The following AGMO variants were observed in gnomAD, a reference collection of about 807,000 sequenced individuals.
The protein encoded by AGMO is alkylglycerol monooxygenase, also known as glyceryl-ether monooxygenase.
A neutral mutation model predicts 60.2 loss-of-function variants in AGMO; 75 were observed. The observed-to-expected ratio is 1.25, with a 90% CI of 1.03 to 1.51. The LOEUF is 1.51. AGMO is among the 40% of genes most tolerant of loss of function. The pLI is 0.00. For missense variants in AGMO, 763 were observed against 525.5 expected, an observed-to-expected ratio of 1.45 and a Z score of -4.42; for synonymous variants, 261 against 177.1, an observed-to-expected ratio of 1.47 and a Z score of -3.76.
At chr7:15,541,365 C>T (rs1267861801) in intron 3 of AGMO, among the ~76,000 whole-genome samples, 1 of 152,176 alleles carries the variant, frequency 6.6e-6, no homozygotes, top group Non-Finnish European at 1.5e-5. Flanking sequence ...CATGATCCGC[C>T]AGCCTCAGCC....
chr7:15,167,470 CA>C, the AGMO span, among the ~76,000 whole-genome samples: 2 of 152,084 alleles, frequency 1.3e-5, no homozygotes, highest in Non-Finnish European at 2.9e-5. Context: ...TAGACTGCAA[CA>C]AAAAACCAGG....
the AGMO span, among the ~76,000 whole-genome samples, chr7:15,175,176 G>A: frequency 6.6e-6 from 1 of 151,678 alleles, no homozygotes. Context: ...ATTTAAATTT[G>A]GGTTTTAAAT....
At chr7:15,286,159 G>T (rs1197929515) in intron 12 of AGMO, among the ~76,000 whole-genome samples, 1 of 151,916 alleles carries the variant, frequency 6.6e-6, no homozygotes, top group Non-Finnish European at 1.5e-5. Context: ...TTTGGACATT[G>T]GTCTAGGAAA....
Position 15,275,161 on chromosome 7 carries a change from A to G in AGMO, c.1264-73802T>C, listed in dbSNP as rs115986711. On this transcript the variant is annotated intron_variant, in intron 12 of 12. Coordinates refer to ENST00000342526, the MANE Select transcript of AGMO (RefSeq NM_001004320.2). ...TAGGGTATTAATTTAAGATACTTCT[A>G]TCTTTTTAAGGTAGGCATTTAACAC... Among the ~76,000 whole-genome samples the G allele has an allele frequency of 7.9e-3, 1,198 of 152,224 alleles. 11 individuals carry two copies. The highest frequency in any genetic ancestry group is 0.027 in the African/African-American group (1,142 of 41,546).
chr7:15,254,195 G>GT (rs1783028791), intron 12 of AGMO, among the ~76,000 whole-genome samples: 1 of 151,886 alleles, frequency 6.6e-6, no homozygotes, highest in African/African-American at 2.4e-5. Flanking sequence ...TACAATTTTC[G>GT]TGAGAGTGCA....
chr7:15,228,094 A>G (rs1289756203), intron 12 of AGMO, among the ~76,000 whole-genome samples: 1 of 152,056 alleles, frequency 6.6e-6, no homozygotes, highest in Non-Finnish European at 1.5e-5. Flanking sequence ...ATTTCTTTAA[A>G]GTTTTTCTTT....
At chr7:15,386,566 C>G (rs1425154135) in intron 9 of AGMO, among the ~76,000 whole-genome samples, 1 of 152,128 alleles carries the variant, frequency 6.6e-6, no homozygotes, top group African/African-American at 2.4e-5. Flanking sequence ...AAACTTATTC[C>G]TAGCGGCGTT....
At position 15,274,774 on chromosome 7, in the gene AGMO, T is replaced by C. The variant is rs148307847; in HGVS notation, c.1264-73415A>G. 2.6e-4 allele frequency among the ~76,000 whole-genome samples: 40 copies of C among 152,062 alleles called. No homozygotes were observed. In the East Asian group the frequency reaches 6.0e-3, roughly 23 times the overall value. ...TTGGCATATTGAGAATTTCTAATGT[T>C]TCCTGGTTCAATCATGGGGTTCCAG... On this transcript the variant is annotated intron_variant, in intron 12 of 12. Coordinates refer to ENST00000342526, the MANE Select transcript of AGMO (RefSeq NM_001004320.2).
chr7:15,292,432 T>A (rs1377488243), intron 12 of AGMO, among the ~76,000 whole-genome samples: 2 of 152,142 alleles, frequency 1.3e-5, no homozygotes, highest in Admixed American at 1.3e-4. Flanking sequence ...AAGGAAAACG[T>A]AAGATTGGTT....
chr7:15,368,449 A>G (rs1215912102), intron 10 of AGMO, among the ~76,000 whole-genome samples: 5 of 152,152 alleles, frequency 3.3e-5, no homozygotes, highest in African/African-American at 9.7e-5. Context: ...CTGTAGTATG[A>G]TTGCAAATGC....
At chr7:15,246,261 T>A (rs1453961421) in intron 12 of AGMO, among the ~76,000 whole-genome samples, 1 of 152,312 alleles carries the variant, frequency 6.6e-6, no homozygotes, top group East Asian at 1.9e-4. Flanking sequence ...CCAAACTGAA[T>A]AGGCTGTATT....
chr7:15,484,038 T>C (rs1782842838), intron 3 of AGMO, among the ~76,000 whole-genome samples: 1 of 152,146 alleles, frequency 6.6e-6, no homozygotes. Flanking sequence ...TTGGTGAGTA[T>C]AATCCCTGCA....
chr7:15,160,670 T>A, the AGMO span, among the ~76,000 whole-genome samples: 2 of 152,162 alleles, frequency 1.3e-5, no homozygotes, highest in Non-Finnish European at 2.9e-5. Context: ...TTTATAATTA[T>A]CCAGTATGGT....
the AGMO span, among the ~76,000 whole-genome samples, chr7:15,143,666 T>TTTTTG: frequency 1.3e-5 from 2 of 151,508 alleles, no homozygotes; most frequent in South Asian, 2.1e-4. Flanking sequence ...GGCACTGAAG[T>TTTTTG]TTTTGTTTTG....
intron 8 of AGMO, among the ~76,000 whole-genome samples, chr7:15,389,292 A>G (rs1367302717): frequency 1.6e-5 from 2 of 122,608 alleles, no homozygotes; most frequent in African/African-American, 6.7e-5. Context: ...CCCCTAGAGG[A>G]TAGAGATGAA....
intron 12 of AGMO, among the ~76,000 whole-genome samples, chr7:15,261,315 G>T (rs1220933184): frequency 6.6e-6 from 1 of 151,972 alleles, no homozygotes; most frequent in African/African-American, 2.4e-5. Context: ...AATGAAATGG[G>T]AGATACTACA....
chr7:15,551,548 T>C (rs1350715549), intron 2 of AGMO, among the ~76,000 whole-genome samples: 1 of 150,822 alleles, frequency 6.6e-6, no homozygotes, highest in Non-Finnish European at 1.5e-5. Flanking sequence ...AGCCAAATCA[T>C]GAGTGAACTC....
At chr7:15,180,250 A>AAGTACAAT in the AGMO span, among the ~76,000 whole-genome samples, 1 of 152,054 alleles carries the variant, frequency 6.6e-6, no homozygotes, top group Non-Finnish European at 1.5e-5. Flanking sequence ...TTTTAATTAG[A>AAGTACAAT]AGTACAATCT....
chr7:15,248,224 A>ATATATATATATC (rs1486326352), intron 12 of AGMO, among the ~76,000 whole-genome samples: 33 of 98,704 alleles, frequency 3.3e-4, no homozygotes, highest in African/African-American at 1.2e-3. Flanking sequence ...ATATATATAT[A>ATATATATATATC]TCTTCATCTT....
Sources: allele counts gnomAD v4.1 joint callset (sites outside exome capture counted in the v4.1 genomes callset), GRCh38; gene constraint gnomAD v4.1.1; transcripts MANE v1.5; gene names NCBI Gene and HGNC (gene_info 2026-07-23, HGNC 2026-07-21).